Variants in GRAMD1C observed in about 807,000 individuals in gnomAD.
GRAMD1C encodes protein Aster-C.
Under a neutral mutation model 97.8 loss-of-function variants are expected in GRAMD1C, and 89 were observed. The observed-to-expected ratio is 0.91, with a 90% confidence interval of 0.77 to 1.09. The LOEUF (loss-of-function observed/expected upper bound fraction) is 1.09. Among genes scored for constraint, GRAMD1C ranks in the 50% least tolerant of loss-of-function variants. The pLI is 0.00. For synonymous variants in GRAMD1C, 256 were observed against 267.0 expected (o/e 0.96, Z 0.40); for missense variants, 740 against 766.4 (o/e 0.97, Z 0.41).
intron 10 of GRAMD1C, among the ~76,000 whole-genome samples, chr3:113,919,011 G>A (rs774061332): frequency 2.4e-4 from 36 of 152,136 alleles, no homozygotes; most frequent in Non-Finnish European, 4.0e-4. Flanking sequence ...TTGAGATCGA[G>A]TTTCAAAGGC....
At chr3:113,860,678 C>T (rs529113692) in intron 2 of GRAMD1C, among the ~76,000 whole-genome samples, 1 of 152,112 alleles carries the variant, frequency 6.6e-6, no homozygotes, top group South Asian at 2.1e-4. Flanking sequence ...TAAAAATAGA[C>T]TTATGGGCTA....
At chr3:113,863,844 G>C (rs1402984032) in intron 2 of GRAMD1C, among the ~76,000 whole-genome samples, 1 of 152,034 alleles carries the variant, frequency 6.6e-6, no homozygotes, top group Non-Finnish European at 1.5e-5. Flanking sequence ...CCACATTTCT[G>C]CTGAGCATTA....
At chr3:113,842,905 G>A (rs1318376220) in intron 1 of GRAMD1C, among the ~76,000 whole-genome samples, 3 of 151,766 alleles carry the variant, frequency 2.0e-5, no homozygotes, top group Non-Finnish European at 4.4e-5. Flanking sequence ...AGAGGTTGCA[G>A]TGAGCCGAGA....
At position 113,946,366 on chromosome 3, in the gene GRAMD1C, T is replaced by TG. The variant is rs1385024419; in HGVS notation, c.*889dup. 2 of 152,552 alleles carry TG rather than the reference T, an allele frequency of 1.3e-5. No homozygotes were observed. The highest frequency in any genetic ancestry group is 4.8e-5 in the African/African-American group (2 of 41,454). 9.4% of individuals were successfully genotyped at this position (152,552 alleles called of 1,614,324 possible). A position where few individuals can be genotyped will look rare whatever the true frequency, so the allele number is the denominator to read the frequency against. ...TGGCTTCCTTCTTTATGTATGTGTG[T>TG]GACTTGTTTTGATTGGTAAGTTATA... is the stretch of plus-strand genomic sequence containing the variant. On this transcript the variant is annotated 3_prime_UTR_variant, in exon 18 of 18. Transcript: ENST00000358160.
upstream of GRAMD1C, among the ~76,000 whole-genome samples, chr3:113,836,441 G>A (rs1041332624): frequency 2.6e-5 from 4 of 151,556 alleles, no homozygotes; most frequent in East Asian, 1.9e-4. Context: ...AATAATTAAC[G>A]TTTCGCTATT....
At chr3:113,897,585 T>C in intron 6 of GRAMD1C, 4 of 981,590 alleles carry the variant, frequency 4.1e-6, no homozygotes, top group Non-Finnish European at 4.8e-6. Flanking sequence ...TAGAAAAGCT[T>C]CTCATAGCAA....
At chr3:113,873,810 C>T (rs1934927693) in intron 3 of GRAMD1C, among the ~76,000 whole-genome samples, 3 of 152,306 alleles carry the variant, frequency 2.0e-5, no homozygotes, top group Middle Eastern at 3.4e-3. Flanking sequence ...TGAGCCACCA[C>T]ACTCGGCCGC....
chr3:113,915,012 C>T (rs1276316022), intron 9 of GRAMD1C, among the ~76,000 whole-genome samples: 7 of 152,104 alleles, frequency 4.6e-5, no homozygotes, highest in Admixed American at 1.3e-4. Flanking sequence ...AATAGGTGAG[C>T]AAGATATTGC....
chr3:113,914,211 T>G (rs1416102103), intron 9 of GRAMD1C, among the ~76,000 whole-genome samples: 1 of 152,206 alleles, frequency 6.6e-6, no homozygotes, highest in Non-Finnish European at 1.5e-5. Context: ...TCACAAAGCT[T>G]AGCAAAATTG....
At chr3:113,927,196 C>T (rs1027410778) in intron 10 of GRAMD1C, among the ~76,000 whole-genome samples, 4 of 151,894 alleles carry the variant, frequency 2.6e-5, no homozygotes, top group South Asian at 2.1e-4. Context: ...AGGCTCTTAA[C>T]GCTGCAGCAC....
At chr3:113,896,440 C>G (rs376707274) in intron 6 of GRAMD1C, among the ~76,000 whole-genome samples, 3 of 152,176 alleles carry the variant, frequency 2.0e-5, no homozygotes, top group East Asian at 3.9e-4. Context: ...CCCTCTGAAG[C>G]CTACTAAATT....
chr3:113,888,449 G>A (rs1935595095), intron 6 of GRAMD1C, among the ~76,000 whole-genome samples: 2 of 152,104 alleles, frequency 1.3e-5, no homozygotes. Context: ...ATACTGTGTT[G>A]TATACTTGAA....
At position 113,915,795 on chromosome 3, in the gene GRAMD1C, T is replaced by C. The variant is rs1577201248; in HGVS notation, c.1047T>C (p.Ser349=). The part of the protein sequence containing the change: ...ADRMFELLFT[S]SRFMQKFASS... ...GAATGTTTGAATTGCTCTTTACCAG[T>C]TCACGCTTTATGCAGAAATTTGCCA... Residue 349 remains serine, a synonymous_variant, in exon 10 of 18, where the codon AGT becomes AGC. Coordinates refer to ENST00000358160, the MANE Select transcript of GRAMD1C (RefSeq NM_017577.5). 1 of 1,611,714 alleles carries C rather than the reference T, an allele frequency of 6.2e-7. No individual in the cohort carries two copies. Among genetic ancestry groups the C allele is most frequent in the Non-Finnish European group, 8.5e-7 (1 of 1,178,062 alleles).
chr3:113,899,265 C>T (rs957272239), intron 6 of GRAMD1C, among the ~76,000 whole-genome samples: 11 of 152,160 alleles, frequency 7.2e-5, no homozygotes, highest in Non-Finnish European at 1.3e-4. Context: ...TCCCATTTCT[C>T]CATTTCCCCA....
chr3:113,876,307 C>G, intron 5 of GRAMD1C, 47 bp downstream of exon 5: 1 of 968,660 alleles, frequency 1.0e-6, no homozygotes, highest in Non-Finnish European at 1.6e-6. Context: ...TGAAGAAAAT[C>G]TCCCTCATAC....
intron 11 of GRAMD1C, among the ~76,000 whole-genome samples, chr3:113,932,321 C>G (rs1213830519): frequency 6.6e-6 from 1 of 152,128 alleles, no homozygotes; most frequent in Admixed American, 6.5e-5. Context: ...TAAGAAAAGT[C>G]TGGTATTTTG....
chr3:113,887,509 G>T (rs548549459), intron 6 of GRAMD1C, among the ~76,000 whole-genome samples: 3 of 151,916 alleles, frequency 2.0e-5, no homozygotes, highest in African/African-American at 7.2e-5. Flanking sequence ...GACCATCCTG[G>T]CTAACATGGT....
chr3:113,875,071 C>G (rs187466194), intron 3 of GRAMD1C, among the ~76,000 whole-genome samples: 42 of 152,120 alleles, frequency 2.8e-4, no homozygotes, highest in Admixed American at 2.1e-3. Context: ...TACCAAAAGG[C>G]CTTTGCATGT....
chr3:113,901,988 A>AGCG (rs1559803829), intron 7 of GRAMD1C, among the ~76,000 whole-genome samples: 1 of 14,240 alleles, frequency 7.0e-5, no homozygotes, highest in South Asian at 1.7e-3. Flanking sequence ...AGTGACTGCA[A>AGCG]GTGACTGCAA....
Sources: gnomAD v4.1 joint callset for allele counts (sites outside exome capture counted in the v4.1 genomes callset) on GRCh38, gnomAD v4.1.1 for gene constraint, MANE v1.5 for transcripts, NCBI Gene and HGNC (gene_info 2026-07-23, HGNC 2026-07-21) for gene names.